Variants in LRRC4B observed in about 807,000 individuals in gnomAD.
The protein encoded by LRRC4B is leucine-rich repeat-containing protein 4B.
A neutral mutation model predicts 7.3 loss-of-function variants in LRRC4B; 1 was observed. The ratio of observed to expected loss-of-function variants is 0.14; its 90% CI spans 0.05 to 0.65. The LOEUF is 0.65. Ranked by LOEUF, LRRC4B falls within the 30% of genes least tolerant of loss-of-function variation. The probability of loss-of-function intolerance (pLI) is 0.84; values close to 1 mark genes in which losing one functional copy is unlikely to be tolerated. For missense variants in LRRC4B, 730 were observed against 1,041.6 expected, an observed-to-expected ratio of 0.70 and a Z score of 4.12; for synonymous variants, 500 against 499.2, an observed-to-expected ratio of 1.00 and a Z score of -0.02.
intron 1 of LRRC4B, among the ~76,000 whole-genome samples, chr19:50,560,442 G>A (rs184599824): frequency 3.9e-5 from 6 of 152,296 alleles, no homozygotes; most frequent in Non-Finnish European, 5.9e-5. Flanking sequence ...TCAGGACCTC[G>A]GTCTGCTCAC....
At position 50,548,046 on chromosome 19, in the gene LRRC4B, G is replaced by A. The variant is rs866080561; in HGVS notation, c.297+496C>T. 5.9e-5 allele frequency among the ~76,000 whole-genome samples: 9 copies of A among 152,192 alleles called. No homozygotes were observed. Among genetic ancestry groups the A allele is most frequent in the Middle Eastern group, 3.4e-3 (1 of 294 alleles). The stretch of plus-strand genomic sequence containing the variant: ...GCCAGGTGCCAGCACACAAGCTAAC[G>A]CCCCAATAAGTACCAGACCCATCAG... On this transcript the variant is annotated intron_variant, in intron 2 of 2. Transcript: ENST00000652263. This position sits in a 1 kb window ranked among gnomAD's most constrained non-coding sequence, Gnocchi z 6.8.
In LRRC4B at chr19:50,517,551, G is replaced by A. The variant is rs747146876; in HGVS notation, c.*20C>T. The A allele has an allele frequency of 3.5e-6, 5 of 1,412,440 alleles. No homozygotes were observed. The highest frequency in any genetic ancestry group is 2.7e-5 in the East Asian group (1 of 36,556). 87.5% of individuals were successfully genotyped at this position (1,412,440 alleles called of 1,614,324 possible). A position where few individuals can be genotyped will look rare whatever the true frequency, so the allele number is the denominator to read the frequency against. ...CTGGGTGGGGGGCTCCACGCCCCTC[G>A]CCCGCCCGGCCCCGCCGCCTCAGAT... On this transcript the variant is annotated 3_prime_UTR_variant, in exon 3 of 3. Coordinates refer to ENST00000652263, the MANE Select transcript of LRRC4B (RefSeq NM_001080457.2). This position sits in a 1 kb window ranked among gnomAD's most constrained non-coding sequence, Gnocchi z 6.6.
intron 2 of LRRC4B, among the ~76,000 whole-genome samples, chr19:50,535,069 T>A (rs35083788): frequency 6.6e-6 from 1 of 151,628 alleles, no homozygotes; most frequent in Non-Finnish European, 1.5e-5. Context: ...AGGGTTTCAC[T>A]GTGTTAGCCA....
At chr19:50,544,402 G>A (rs1015139496) in intron 2 of LRRC4B, among the ~76,000 whole-genome samples, 1 of 151,930 alleles carries the variant, frequency 6.6e-6, no homozygotes, top group African/African-American at 2.4e-5. Context: ...AGCTACTTGG[G>A]AGGCTGAGGC....
Position 50,517,878 on chromosome 19 carries a change from G to A in LRRC4B, c.1835C>T (p.Thr612Met), listed in dbSNP as rs1345889745. The A allele has an allele frequency of 1.3e-6, 2 of 1,595,422 alleles. No individual in the cohort carries two copies. Among genetic ancestry groups the A allele is most frequent in the Non-Finnish European group, 1.7e-6 (2 of 1,174,036 alleles). Residue 612 changes from threonine to methionine, a missense_variant, in exon 3 of 3, where the codon ACG (threonine) becomes ATG (methionine). Physicochemically the swap from Thr to Met is moderately conservative, Grantham distance 81 (BLOSUM62 -1). Around this residue, in one of 6 missense-constraint regions of LRRC4B, gnomAD observed 160 missense variants for 163.9 expected, o/e 0.98. Coordinates refer to ENST00000652263, the MANE Select transcript of LRRC4B (RefSeq NM_001080457.2). The surrounding 1 kb of genome is among the most constrained non-coding windows in gnomAD (Gnocchi z 6.6). ...CACGTTGATGATCTCCACGGTGCGC[G>A]TGGGCCCGTGGTGCTTGTGGAGCTG... ...QHQLHKHHGP[T>M]RTVEIINVED...
chr19:50,557,545 G>A (rs1982318277), intron 1 of LRRC4B: 1 of 152,304 alleles, frequency 6.6e-6, no homozygotes, highest in Admixed American at 6.5e-5. Flanking sequence ...ATAGGACTCG[G>A]AGCCTGGCTG....
At chr19:50,530,612 C>T (rs1233028163) in intron 2 of LRRC4B, among the ~76,000 whole-genome samples, 6 of 152,188 alleles carry the variant, frequency 3.9e-5, no homozygotes, top group Non-Finnish European at 5.9e-5. Flanking sequence ...GACCTCACAA[C>T]GTCAGCCTTG....
In LRRC4B at chr19:50,518,552, C is replaced by T. The variant is rs1345776165; in HGVS notation, c.1161G>A (p.Thr387=). ...AGTTGACGGAGGTCATGGAGGTGCCCGTGCGGCATTTGAGCTCGGCAGCCA... is the reference window on the plus strand; with the variant it reads ...AGTTGACGGAGGTCATGGAGGTGCCTGTGCGGCATTTGAGCTCGGCAGCCA... ...EGMAAELKCR[T]GTSMTSVNWL... Residue 387 remains threonine (T), a synonymous_variant, in exon 3 of 3, where the codon ACG becomes ACA. Transcript: ENST00000652263. The T allele has an allele frequency of 6.9e-6, 11 of 1,587,020 alleles. No homozygotes were observed. The highest frequency in any genetic ancestry group is 1.7e-5 in the Admixed American group (1 of 58,168).
At chr19:50,522,973 G>A (rs1387134248) in intron 2 of LRRC4B, among the ~76,000 whole-genome samples, 1 of 152,240 alleles carries the variant, frequency 6.6e-6, no homozygotes, top group Non-Finnish European at 1.5e-5. Flanking sequence ...CCAGGGAGGT[G>A]CAGTGACTTG....
intron 2 of LRRC4B, among the ~76,000 whole-genome samples, chr19:50,536,563 G>T (rs1981298322): frequency 6.6e-6 from 1 of 152,186 alleles, no homozygotes. Context: ...ACAAATCAGG[G>T]CTGCACTGAA....
At chr19:50,547,025 G>A (rs562132057) in intron 2 of LRRC4B, among the ~76,000 whole-genome samples, 15 of 152,312 alleles carry the variant, frequency 9.8e-5, no homozygotes, top group African/African-American at 2.4e-4. Context: ...TCTGTTGAAC[G>A]TCACGTGTAT....
At chr19:50,562,759 G>A (rs1312879894) in intron 1 of LRRC4B, among the ~76,000 whole-genome samples, 1 of 140,378 alleles carries the variant, frequency 7.1e-6, no homozygotes, top group African/African-American at 2.7e-5. Flanking sequence ...TTTTTTTGGC[G>A]ATGGAGTTTT....
At chr19:50,530,797 C>T (rs1031067419) in intron 2 of LRRC4B, among the ~76,000 whole-genome samples, 7 of 151,384 alleles carry the variant, frequency 4.6e-5, no homozygotes, top group African/African-American at 9.7e-5. Context: ...AGGGCAGTGG[C>T]GCCATCTTGG....
chr19:50,563,317 C>T lies in LRRC4B; in HGVS notation c.-36+4627G>A, dbSNP rs1599788875. ...CCCTGTCTGGCGGAGCCAGCCCAGC[C>T]TCAGGAACTGGGACTCGAAGGGAAG... On this transcript the variant is annotated intron_variant, in intron 1 of 2. Coordinates refer to ENST00000652263, the MANE Select transcript of LRRC4B (RefSeq NM_001080457.2). This position sits in a 1 kb window ranked among gnomAD's most constrained non-coding sequence, Gnocchi z 4.9. 6.6e-6 allele frequency among the ~76,000 whole-genome samples: 1 copy of T among 152,288 alleles called. No homozygotes were observed. Among genetic ancestry groups the T allele is most frequent in the East Asian group, 1.9e-4 (1 of 5,170 alleles).
intron 2 of LRRC4B, among the ~76,000 whole-genome samples, chr19:50,525,577 TGTA>T (rs1243726781): frequency 7.2e-6 from 1 of 139,386 alleles, no homozygotes; most frequent in Non-Finnish European, 1.6e-5. Context: ...GGCTAATTTT[TGTA>T]TTTTTTTTTT....
chr19:50,525,601 T>C (rs1019034407), intron 2 of LRRC4B, among the ~76,000 whole-genome samples: 2 of 145,632 alleles, frequency 1.4e-5, no homozygotes, highest in Non-Finnish European at 3.0e-5. Flanking sequence ...TTTTTTTTAG[T>C]AGAGACGAGG....
chr19:50,522,229 G>C (rs1347145470), intron 2 of LRRC4B, among the ~76,000 whole-genome samples: 1 of 152,090 alleles, frequency 6.6e-6, no homozygotes, highest in Non-Finnish European at 1.5e-5. Context: ...CAGCAACTAA[G>C]ACACATTGAA....
intron 2 of LRRC4B, among the ~76,000 whole-genome samples, chr19:50,520,225 A>AG (rs1980504010): frequency 1.4e-5 from 1 of 72,790 alleles, no homozygotes; most frequent in Non-Finnish European, 2.5e-5. Context: ...AAAAAAAAAA[A>AG]AAAAAAAAAA....
intron 2 of LRRC4B, among the ~76,000 whole-genome samples, chr19:50,521,434 T>A (rs1980575723): frequency 6.6e-6 from 1 of 152,154 alleles, no homozygotes; most frequent in Admixed American, 6.6e-5. Context: ...TATTTTATTT[T>A]ATTTTATTTT....
Sources: gnomAD v4.1 joint callset for allele counts (sites outside exome capture counted in the v4.1 genomes callset) on GRCh38, gnomAD v4.1.1 for gene constraint, gnomAD v4.1.1 regional missense constraint, Gnocchi (gnomAD v3.1) non-coding constraint, MANE v1.5 for transcripts, NCBI Gene and HGNC (gene_info 2026-07-23, HGNC 2026-07-21) for gene names.